Variants in ZNF682 observed in about 807,000 individuals in gnomAD.
The protein encoded by ZNF682 is zinc finger protein 682.
In ZNF682, 29 loss-of-function variants were observed where a neutral mutation model predicts 36.5. The observed-to-expected ratio is 0.80, with a 90% CI of 0.59 to 1.08. The LOEUF (loss-of-function observed/expected upper bound fraction) is 1.08. Among genes scored for constraint, ZNF682 ranks in the 50% least tolerant of loss-of-function variants. ZNF682 has a pLI of 0.00. For synonymous variants in ZNF682, 180 were observed against 197.0 expected, an observed-to-expected ratio of 0.91 and a Z score of 0.72; for missense variants, 561 against 579.7, an observed-to-expected ratio of 0.97 and a Z score of 0.33.
chr19:20,009,571 T>C (rs1232243247), intron 3 of ZNF682, among the ~76,000 whole-genome samples: 1 of 152,164 alleles, frequency 6.6e-6, no homozygotes, highest in Non-Finnish European at 1.5e-5. Context: ...TCAAGGCACA[T>C]AGTATTCAGA....
At position 20,039,435 on chromosome 19, in the gene ZNF682, G is replaced by A. The variant is rs1396640383; in HGVS notation, c.-90C>T. On this transcript the variant is annotated 5_prime_UTR_variant, in exon 1 of 4. Coordinates refer to ENST00000397165, the MANE Select transcript of ZNF682 (RefSeq NM_033196.3). The stretch of plus-strand genomic sequence containing the variant: ...GCAACAGAGGCTGCGACAGTCACCG[G>A]GAACTACTAGAGCAGAGGATACTAA... 2 of 1,569,118 alleles carry A rather than the reference G, an allele frequency of 1.3e-6. No homozygotes were observed. The highest frequency in any genetic ancestry group is 1.3e-5 in the African/African-American group (1 of 74,268).
downstream of ZNF682, among the ~76,000 whole-genome samples, chr19:19,999,613 C>A (rs2088151791): frequency 6.6e-6 from 1 of 152,096 alleles, no homozygotes; most frequent in Non-Finnish European, 1.5e-5. Context: ...CGGCTCACTG[C>A]AACCTCTGTC....
chr19:20,012,768 A>C (rs1407921415), intron 3 of ZNF682, among the ~76,000 whole-genome samples: 6 of 24,290 alleles, frequency 2.5e-4, no homozygotes, highest in African/African-American at 6.5e-4. Context: ...ACTCCGTCTC[A>C]AAAAAAAAAA....
intron 1 of ZNF682, among the ~76,000 whole-genome samples, chr19:20,038,691 G>T (rs2122402350): frequency 6.6e-6 from 1 of 151,186 alleles, no homozygotes; most frequent in African/African-American, 2.4e-5. Flanking sequence ...AGATTTTTCA[G>T]ATTTAAGCAA....
At chr19:20,016,415 G>A (rs1338494743) in intron 3 of ZNF682, among the ~76,000 whole-genome samples, 1 of 151,984 alleles carries the variant, frequency 6.6e-6, no homozygotes, top group Non-Finnish European at 1.5e-5. Context: ...CATGTTCAAT[G>A]AGCAAAAATA....
At chr19:20,018,078 CTTTTTTTTTTTTTTTT>C (rs71172554) in intron 3 of ZNF682, among the ~76,000 whole-genome samples, 52 of 58,676 alleles carry the variant, frequency 8.9e-4, no homozygotes, top group African/African-American at 3.2e-3. Flanking sequence ...TTCTCAAATT[CTTTTTTTTTTTTTTTT>C]TTTTTTTTTT....
rs148593845 is a variant in ZNF682, at chr19:20,023,610, A to T, written c.131-511T>A. Among the ~76,000 whole-genome samples the T allele has an allele frequency of 1.4e-3, 206 of 152,264 alleles. 2 individuals are homozygous for T. Among genetic ancestry groups the T allele is most frequent in the African/African-American group, 4.9e-3 (205 of 41,554 alleles). ...TCCCTACCCAATACTACTTAATCGAAAATTGGTGGTAGAAGTTGGATTTTA... is the reference window on the plus strand; with the variant it reads ...TCCCTACCCAATACTACTTAATCGATAATTGGTGGTAGAAGTTGGATTTTA... On this transcript the variant is annotated intron_variant, in intron 2 of 3. Coordinates refer to ENST00000397165, the MANE Select transcript of ZNF682 (RefSeq NM_033196.3).
At chr19:20,023,269 C>T (rs768694973) in intron 2 of ZNF682, among the ~76,000 whole-genome samples, 170 bp from the exon 3 acceptor site, 2 of 152,050 alleles carry the variant, frequency 1.3e-5, no homozygotes, top group Non-Finnish European at 2.9e-5. Flanking sequence ...GAGGCTAAAG[C>T]AGGCACATCA....
Position 20,039,357 on chromosome 19 carries a change from C to T in ZNF682, c.-12G>A. 6.2e-7 allele frequency: 1 copy of T among 1,612,294 alleles called. No homozygotes were observed. ...GGCACACTCACCATTTTTCGGCTTCCGGGATGTCGTGGAGTCTTAGCTCTG... is the reference window on the plus strand; with the variant it reads ...GGCACACTCACCATTTTTCGGCTTCTGGGATGTCGTGGAGTCTTAGCTCTG... On this transcript the variant is annotated 5_prime_UTR_variant, in exon 1 of 4. Coordinates refer to ENST00000397165, the MANE Select transcript of ZNF682 (RefSeq NM_033196.3).
At chr19:20,029,525 T>C (rs1475844086) in intron 1 of ZNF682, among the ~76,000 whole-genome samples, 6 of 149,918 alleles carry the variant, frequency 4.0e-5, no homozygotes, top group Admixed American at 6.7e-5. Context: ...TGCTTGAACT[T>C]GGGAGGCAGA....
intron 3 of ZNF682, among the ~76,000 whole-genome samples, chr19:20,020,641 G>A (rs1409575516): frequency 6.6e-6 from 1 of 152,002 alleles, no homozygotes; most frequent in Admixed American, 6.6e-5. Context: ...CAATTGCCAA[G>A]ACATGAAAAC....
chr19:19,996,583 G>T (rs546316491), downstream of ZNF682, among the ~76,000 whole-genome samples: 2 of 152,274 alleles, frequency 1.3e-5, no homozygotes, highest in South Asian at 4.1e-4. Flanking sequence ...ACTCAGAAAT[G>T]ATAAACCAAA....
intron 1 of ZNF682, among the ~76,000 whole-genome samples, chr19:20,031,809 G>C (rs1367062067): frequency 6.6e-6 from 1 of 152,156 alleles, no homozygotes; most frequent in Non-Finnish European, 1.5e-5. Context: ...AGGCGAGGTG[G>C]CGGGTGCCTG....
At position 20,005,979 on chromosome 19, in the gene ZNF682, G is replaced by T; in HGVS notation, c.*26C>A. The T allele has an allele frequency of 6.5e-7, 1 of 1,547,632 alleles. No homozygotes were observed. Among genetic ancestry groups the T allele is most frequent in the Non-Finnish European group, 8.7e-7 (1 of 1,149,072 alleles). On this transcript the variant is annotated 3_prime_UTR_variant, in exon 4 of 4. Coordinates refer to ENST00000397165, the MANE Select transcript of ZNF682 (RefSeq NM_033196.3). ...GGAATTTGCCACATTCTTTACATTTGTAGGATTTCTCTTTAGTAAAAATTC... is the reference window on the plus strand; with the variant it reads ...GGAATTTGCCACATTCTTTACATTTTTAGGATTTCTCTTTAGTAAAAATTC...
At chr19:20,037,539 C>T (rs1235008656) in intron 1 of ZNF682, among the ~76,000 whole-genome samples, 4 of 152,336 alleles carry the variant, frequency 2.6e-5, no homozygotes, top group East Asian at 3.9e-4. Context: ...GATTGGAACA[C>T]AGACATATCT....
At position 20,004,916 on chromosome 19, in the gene ZNF682, A is replaced by G. The variant is rs1369089934; in HGVS notation, c.*1089T>C. ...TGTTTAGGCTAACTAAATTATGTTA[A>G]CCTTGAATTACTCTTTATAATCAAT... On this transcript the variant is annotated 3_prime_UTR_variant, in exon 4 of 4. Coordinates refer to ENST00000397165, the MANE Select transcript of ZNF682 (RefSeq NM_033196.3). 1.3e-5 allele frequency: 2 copies of G among 152,196 alleles called. No individual in the cohort carries two copies. Among genetic ancestry groups the G allele is most frequent in the Non-Finnish European group, 2.9e-5 (2 of 68,020 alleles). The allele number at this position is 152,196 out of a possible 1,614,324, so 9.4% of individuals were successfully genotyped here.
intron 3 of ZNF682, among the ~76,000 whole-genome samples, chr19:20,013,841 A>G (rs967216193): frequency 9.2e-5 from 14 of 152,168 alleles, no homozygotes; most frequent in African/African-American, 3.4e-4. Context: ...CGGCCTCCCA[A>G]AGTGCTGGGA....
At chr19:20,000,309 T>C (rs547286795), downstream of ZNF682, among the ~76,000 whole-genome samples, 1 of 152,338 alleles carries the variant, frequency 6.6e-6, no homozygotes, top group Admixed American at 6.5e-5. Flanking sequence ...GAGAGTAACA[T>C]GCTCTTCCAT....
chr19:20,036,775 C>T (rs2088533361), intron 1 of ZNF682, among the ~76,000 whole-genome samples: 2 of 133,812 alleles, frequency 1.5e-5, no homozygotes, highest in South Asian at 4.8e-4. Flanking sequence ...GACACCAGTT[C>T]CGGGAACATG....
Sources: gnomAD v4.1 joint callset for allele counts (sites outside exome capture counted in the v4.1 genomes callset) on GRCh38, gnomAD v4.1.1 for gene constraint, MANE v1.5 for transcripts, NCBI Gene and HGNC (gene_info 2026-07-23, HGNC 2026-07-21) for gene names.